CACNB2: variants seen among roughly 807,000 people sequenced by gnomAD.
The protein encoded by CACNB2 is voltage-dependent L-type calcium channel subunit beta-2.
In CACNB2, 42 loss-of-function variants were observed where a neutral mutation model predicts 73.3. That is an observed-to-expected ratio of 0.57 (90% CI 0.45 to 0.74). CACNB2 has a LOEUF of 0.74. Among genes scored for constraint, CACNB2 ranks in the 30% least tolerant of loss-of-function variants. The pLI, the probability that CACNB2 is intolerant of heterozygous loss-of-function variation, is 0.00. For synonymous variants in CACNB2, 348 were observed against 310.3 expected, an observed-to-expected ratio of 1.12 and a Z score of -1.28; for missense variants, 940 against 853.0, an observed-to-expected ratio of 1.10 and a Z score of -1.27.
chr10:18,253,443 T>C (rs771681118), intron 2 of CACNB2, among the ~76,000 whole-genome samples: 8 of 152,208 alleles, frequency 5.3e-5, no homozygotes, highest in Non-Finnish European at 1.2e-4. Flanking sequence ...TGTTTCTCTT[T>C]CGTGGTCTTT....
chr10:18,388,504 C>T (rs1193907720), intron 2 of CACNB2, among the ~76,000 whole-genome samples: 1 of 152,148 alleles, frequency 6.6e-6, no homozygotes, highest in Non-Finnish European at 1.5e-5. Context: ...GAGTACTCCA[C>T]ACCACTGGCA....
intron 2 of CACNB2, among the ~76,000 whole-genome samples, chr10:18,155,730 T>G (rs1383536231): frequency 1.3e-5 from 2 of 152,110 alleles, no homozygotes; most frequent in East Asian, 1.9e-4. Context: ...AGTGTCAATC[T>G]TTTTCATTAC....
At chr10:18,402,084 G>C (rs769369648) in intron 3 of CACNB2, 41 bp downstream of exon 3, 1 of 1,608,566 alleles carries the variant, frequency 6.2e-7, no homozygotes, top group East Asian at 2.2e-5. Context: ...TGCAAGTTGT[G>C]CTGTGCCCCT....
chr10:18,539,131 G>C, intron 13 of CACNB2, 99 bp from the exon 14 acceptor site: 1 of 1,494,342 alleles, frequency 6.7e-7, no homozygotes, highest in Non-Finnish European at 9.3e-7. Flanking sequence ...TCAGCTTTTC[G>C]GATGCTTAAA....
Position 18,387,785 on chromosome 10 carries a change from C to T in CACNB2, c.214-14139C>T, listed in dbSNP as rs142471604. ...CTTTTTTTTTTTTTAGCGACAGGCT[C>T]TCATTCTGTCACTCAGGCTGGGGTG... On this transcript the variant is annotated intron_variant, in intron 2 of 13. Transcript: ENST00000324631. Among the ~76,000 whole-genome samples the T allele has an allele frequency of 1.8e-3, 274 of 151,462 alleles. 1 individual carries two copies. The highest frequency in any genetic ancestry group is 6.5e-3 in the African/African-American group (270 of 41,240).
intron 2 of CACNB2, among the ~76,000 whole-genome samples, chr10:18,267,860 C>T (rs920877274): frequency 1.2e-4 from 18 of 152,108 alleles, no homozygotes; most frequent in Non-Finnish European, 2.2e-4. Flanking sequence ...ATGACACTTC[C>T]GGGGCAGCGG....
At chr10:18,279,380 T>A (rs2038441701) in intron 2 of CACNB2, among the ~76,000 whole-genome samples, 1 of 152,194 alleles carries the variant, frequency 6.6e-6, no homozygotes, top group Admixed American at 6.5e-5. Flanking sequence ...GGGGGAAGGA[T>A]GCTGTGGTTA....
In CACNB2 at chr10:18,140,732, C is replaced by G; in HGVS notation, c.-5C>G. On this transcript the variant is annotated 5_prime_UTR_variant, in exon 1 of 14. Coordinates refer to ENST00000324631, the MANE Select transcript of CACNB2 (RefSeq NM_201596.3). Reference sequence around the variant, plus strand: ...GCTGCTTCGCTCCGAGCCGACTTTTCGCCAATGGTCCAAAGGGACATGTCC... The same window carrying G: ...GCTGCTTCGCTCCGAGCCGACTTTTGGCCAATGGTCCAAAGGGACATGTCC... The G allele has an allele frequency of 6.3e-7, 1 of 1,590,602 alleles. No homozygotes were observed.
Position 18,245,380 on chromosome 10 carries a change from G to A in CACNB2, c.213+94405G>A, listed in dbSNP as rs539514779. On this transcript the variant is annotated intron_variant, in intron 2 of 13. Transcript: ENST00000324631. ...GTTGCACAGGCTGGAGTGTACTGGT[G>A]TAATCAGAGCTCACTGCAGCCTCTG... Among the ~76,000 whole-genome samples, 6 of 152,250 alleles carry A rather than the reference G, an allele frequency of 3.9e-5. No homozygotes were observed. The East Asian group carries it at 1.2e-3, about 29-fold the overall frequency.
intron 11 of CACNB2, 70 bp downstream of exon 11, chr10:18,534,297 A>C (rs2053345226): frequency 1.5e-6 from 2 of 1,323,294 alleles, no homozygotes; most frequent in Admixed American, 1.7e-5. Flanking sequence ...TCTGCTTTCT[A>C]TAATTAGGCT....
rs562954538 is a variant in CACNB2, at chr10:18,516,940, C to G, written c.805-1396C>G. ...ACAGTCATGGTAATATTTTTCTTCCCTCTGATTATATCGTCTGTGACTACG... is the reference window on the plus strand; with the variant it reads ...ACAGTCATGGTAATATTTTTCTTCCGTCTGATTATATCGTCTGTGACTACG... On this transcript the variant is annotated intron_variant, in intron 7 of 13. Transcript: ENST00000324631. 6.6e-5 allele frequency among the ~76,000 whole-genome samples: 10 copies of G among 152,186 alleles called. No homozygotes were observed. The East Asian group carries it at 1.9e-3, about 29-fold the overall frequency.
In CACNB2 at chr10:18,405,324, G is replaced by T. The variant is rs573810117; in HGVS notation, c.333+3281G>T. ...CACTATTCAACTTTTGTTTCTACAG[G>T]TTTGTCTATTCTGTATATTGCATAT... On this transcript the variant is annotated intron_variant, in intron 3 of 13. Transcript: ENST00000324631. 2.0e-5 allele frequency among the ~76,000 whole-genome samples: 3 copies of T among 152,180 alleles called. No individual in the cohort carries two copies. The South Asian group carries it at 6.2e-4, about 32-fold the overall frequency.
intron 2 of CACNB2, among the ~76,000 whole-genome samples, chr10:18,306,581 C>T (rs575582308): frequency 2.0e-5 from 3 of 152,196 alleles, no homozygotes; most frequent in East Asian, 1.9e-4. Context: ...ATAAGCATTA[C>T]GGTGGGGTCA....
chr10:18,206,319 C>T (rs931427589), intron 2 of CACNB2: 1 of 152,288 alleles, frequency 6.6e-6, no homozygotes, highest in African/African-American at 2.4e-5. Context: ...CTTAGAGACA[C>T]ATAGCTGTAT....
intron 3 of CACNB2, among the ~76,000 whole-genome samples, chr10:18,440,275 C>T (rs1430161892): frequency 2.0e-5 from 3 of 152,144 alleles, no homozygotes; most frequent in Non-Finnish European, 2.9e-5. Context: ...TAACTATAGC[C>T]TTGGAGATTA....
At chr10:18,410,572 G>A (rs2044564275) in intron 3 of CACNB2, among the ~76,000 whole-genome samples, 1 of 152,152 alleles carries the variant, frequency 6.6e-6, no homozygotes, top group Non-Finnish European at 1.5e-5. Context: ...GGAGGTAGGA[G>A]AGAAATATAC....
intron 2 of CACNB2, among the ~76,000 whole-genome samples, chr10:18,308,926 T>C (rs1173787666): frequency 6.6e-6 from 1 of 152,228 alleles, no homozygotes; most frequent in Non-Finnish European, 1.5e-5. Context: ...AAAAATGCAA[T>C]TTTAAAGCAG....
intron 4 of CACNB2, among the ~76,000 whole-genome samples, chr10:18,500,506 C>T (rs2050135152): frequency 6.6e-6 from 1 of 152,048 alleles, no homozygotes; most frequent in South Asian, 2.1e-4. Context: ...GTAGGATGGG[C>T]TGTTATTCTT....
chr10:18,476,905 A>C (rs2048468394), intron 3 of CACNB2, among the ~76,000 whole-genome samples: 1 of 152,096 alleles, frequency 6.6e-6, no homozygotes, highest in East Asian at 1.9e-4. Flanking sequence ...TTGTAATCCC[A>C]GCTACTCAGG....
Sources: gnomAD v4.1 joint callset for allele counts (sites outside exome capture counted in the v4.1 genomes callset) on GRCh38, gnomAD v4.1.1 for gene constraint, MANE v1.5 for transcripts, NCBI Gene and HGNC (gene_info 2026-07-23, HGNC 2026-07-21) for gene names.